Variants in HACE1 observed in about 807,000 individuals in gnomAD.
HACE1 encodes HECT domain and ankyrin repeat containing E3 ubiquitin protein ligase 1, also known as E3 ubiquitin-protein ligase HACE1.
Under a neutral mutation model 118.4 loss-of-function variants are expected in HACE1, and 73 were observed. The ratio of observed to expected loss-of-function variants is 0.62; its 90% CI spans 0.51 to 0.75. The LOEUF (loss-of-function observed/expected upper bound fraction) is 0.75. Among genes scored for constraint, HACE1 ranks in the 30% least tolerant of loss-of-function variants. The pLI, the probability that HACE1 is intolerant of heterozygous loss-of-function variation, is 0.00. For synonymous variants in HACE1, 368 were observed against 374.8 expected (o/e 0.98, Z 0.21); for missense variants, 749 against 1,102.2 (o/e 0.68, Z 4.54).
At chr6:104,757,136 A>C (rs111802833) in intron 19 of HACE1, among the ~76,000 whole-genome samples, 72 of 152,328 alleles carry the variant, frequency 4.7e-4, no homozygotes, top group African/African-American at 1.7e-3. Flanking sequence ...TAGGGGCAGG[A>C]CGTACCTGAA....
Position 104,750,432 on chromosome 6 carries a change from CTT to C in HACE1, c.2250_2251del (p.Arg751SerfsTer26). The C allele has an allele frequency of 1.2e-6, 2 of 1,613,018 alleles. No individual in the cohort carries two copies. Among genetic ancestry groups the C allele is most frequent in the East Asian group, 2.2e-5 (1 of 44,846 alleles). On this transcript the variant is annotated frameshift_variant, in exon 20 of 24. Coordinates refer to ENST00000262903, the MANE Select transcript of HACE1 (RefSeq NM_020771.4). LOFTEE classifies it high-confidence loss of function. Reference sequence around the variant, plus strand: ...AGCATTGATCTGAGGCTGAATGGCTCTTGTCATTCGAAGTTCAGTAACAAGCT... The same window carrying C: ...AGCATTGATCTGAGGCTGAATGGCTCGTCATTCGAAGTTCAGTAACAAGCT...
Position 104,771,996 on chromosome 6 carries a change from A to G in HACE1, c.1943T>C (p.Leu648Ser). Residue 648 changes from leucine (L) to serine (S), a missense_variant, in exon 18 of 24, where the codon TTG (leucine) becomes TCG (serine). Coordinates refer to ENST00000262903, the MANE Select transcript of HACE1 (RefSeq NM_020771.4). ...CTGCCTGTGGTTCAACGCTAATCCC[A>G]AGATCTGCCCAGCAAACCGAAAATA... ...LNYFRFAGQILGLALNHRQLV... is the reference protein window; with the variant it reads ...LNYFRFAGQISGLALNHRQLV... The G allele has an allele frequency of 6.2e-7, 1 of 1,610,016 alleles. No individual in the cohort carries two copies. Among genetic ancestry groups the G allele is most frequent in the Non-Finnish European group, 8.5e-7 (1 of 1,176,376 alleles).
intron 6 of HACE1, among the ~76,000 whole-genome samples, chr6:104,816,937 T>C (rs922068030): frequency 6.6e-6 from 1 of 152,184 alleles, no homozygotes; most frequent in African/African-American, 2.4e-5. Context: ...ACAGCCCTGC[T>C]AGGTTTCAGA....
At chr6:104,745,337 A>T (rs1777299044) in intron 20 of HACE1, among the ~76,000 whole-genome samples, 1 of 152,324 alleles carries the variant, frequency 6.6e-6, no homozygotes, top group African/African-American at 2.4e-5. Context: ...AGGACATGAA[A>T]AGAGCTTGTC....
At chr6:104,830,385 TAA>T (rs1394153063) in intron 6 of HACE1, among the ~76,000 whole-genome samples, 1 of 152,110 alleles carries the variant, frequency 6.6e-6, no homozygotes, top group Non-Finnish European at 1.5e-5. Flanking sequence ...TTTCAGATGA[TAA>T]AAGACAAAAA....
intron 19 of HACE1, among the ~76,000 whole-genome samples, chr6:104,770,311 A>G (rs1423622151): frequency 2.0e-5 from 3 of 152,218 alleles, no homozygotes; most frequent in Non-Finnish European, 4.4e-5. Flanking sequence ...CTCATATAAC[A>G]TATTAAAACA....
chr6:104,769,156 T>C lies in HACE1; in HGVS notation c.2211+2037A>G, dbSNP rs529558183. ...CTCAAGTGATCCTCCCACCTCAGCC[T>C]CCAGAATAGCTAGGACTGTAGCCAC... On this transcript the variant is annotated intron_variant, in intron 19 of 23. Coordinates refer to ENST00000262903, the MANE Select transcript of HACE1 (RefSeq NM_020771.4). Among the ~76,000 whole-genome samples, 4 of 152,180 alleles carry C rather than the reference T, an allele frequency of 2.6e-5. No homozygotes were observed. In the South Asian group the frequency reaches 8.3e-4, roughly 32 times the overall value.
chr6:104,792,994 C>T (rs535842464), intron 10 of HACE1, among the ~76,000 whole-genome samples: 12 of 152,256 alleles, frequency 7.9e-5, no homozygotes, highest in East Asian at 3.9e-4. Context: ...TTTTGCCGGG[C>T]GTGGTGGCTC....
chr6:104,784,585 CA>C (rs71763197), intron 12 of HACE1, 100 bp from the exon 13 acceptor site: 4,081 of 625,842 alleles, frequency 6.5e-3, no homozygotes, highest in South Asian at 0.011. Flanking sequence ...GCTTCTAAAC[CA>C]AAAAAAAAAG....
intron 11 of HACE1, among the ~76,000 whole-genome samples, chr6:104,790,362 T>G (rs988178862): frequency 7.9e-5 from 12 of 152,358 alleles, no homozygotes; most frequent in South Asian, 6.2e-4. Context: ...AGCAAAGCTT[T>G]CAATCCTAAC....
At chr6:104,731,033 C>G (rs943119962) in intron 22 of HACE1, 1 of 157,000 alleles carries the variant, frequency 6.4e-6, no homozygotes, top group African/African-American at 2.4e-5. Flanking sequence ...AATGAGGCCA[C>G]AGGAAGGCTA....
chr6:104,738,082 T>C (rs1183782895), intron 22 of HACE1, among the ~76,000 whole-genome samples: 1 of 151,574 alleles, frequency 6.6e-6, no homozygotes, highest in Non-Finnish European at 1.5e-5. Flanking sequence ...CGGCAGGGTA[T>C]TCCAACAGAC....
intron 10 of HACE1, 74 bp downstream of exon 10, chr6:104,795,505 A>G (rs1196925109): frequency 1.3e-5 from 12 of 891,668 alleles, no homozygotes; most frequent in Non-Finnish European, 2.3e-5. Flanking sequence ...GGTATCCCAC[A>G]GAATAAACTA....
intron 11 of HACE1, chr6:104,786,576 C>G (rs1432560979): frequency 6.8e-6 from 1 of 146,532 alleles, no homozygotes; most frequent in South Asian, 2.2e-4. Flanking sequence ...TATACTCCAG[C>G]CTGGGTGAAA....
At chr6:104,761,085 G>A (rs149851628) in intron 19 of HACE1, among the ~76,000 whole-genome samples, 3 of 152,298 alleles carry the variant, frequency 2.0e-5, no homozygotes, top group East Asian at 1.9e-4. Context: ...CATGCTTATG[G>A]ATAGGAAGAA....
chr6:104,859,486 C>G lies in HACE1; in HGVS notation c.76+81G>C, dbSNP rs553800296. 494 of 1,069,700 alleles carry G rather than the reference C, an allele frequency of 4.6e-4. 6 individuals carry two copies. In the South Asian group the frequency reaches 7.7e-3, roughly 17 times the overall value. 66.3% of individuals were successfully genotyped at this position (1,069,700 alleles called of 1,614,324 possible). ...CTCAGCTTTCAGTTAGTTTTTCCAC[C>G]CGACCTTGACGCGGCCGGAGCTCCT... is the stretch of plus-strand genomic sequence containing the variant. On this transcript the variant is annotated intron_variant, in intron 1 of 23. Coordinates refer to ENST00000262903, the MANE Select transcript of HACE1 (RefSeq NM_020771.4).
intron 7 of HACE1, among the ~76,000 whole-genome samples, chr6:104,808,865 CAAT>C (rs1245379058): frequency 3.3e-5 from 5 of 152,152 alleles, no homozygotes; most frequent in South Asian, 2.1e-4. Flanking sequence ...TCTTCTACAA[CAAT>C]GATTTTTTGG....
rs539317083 is a variant in HACE1 at position 104,781,940 on chromosome 6, C to T, written c.1566+2146G>A. ...GATACCTAATACAGATGTTTTTTGA[C>T]TAAATTGTCCAGGAAGGGAAAAAGG... On this transcript the variant is annotated intron_variant, in intron 14 of 23. Transcript: ENST00000262903. Among the ~76,000 whole-genome samples, 7 of 152,248 alleles carry T rather than the reference C, an allele frequency of 4.6e-5. No individual in the cohort carries two copies. In the South Asian group the frequency reaches 1.4e-3, roughly 32 times the overall value.
At chr6:104,730,443 T>A in intron 22 of HACE1, 27 bp from the exon 23 acceptor site, 1 of 1,009,332 alleles carries the variant, frequency 9.9e-7, no homozygotes, top group Non-Finnish European at 1.6e-6. Context: ...TAATACATTG[T>A]AATCATGAAA....
Sources: gnomAD v4.1 joint callset for allele counts (sites outside exome capture counted in the v4.1 genomes callset) on GRCh38, gnomAD v4.1.1 for gene constraint, MANE v1.5 for transcripts, NCBI Gene and HGNC (gene_info 2026-07-23, HGNC 2026-07-21) for gene names.